Variants in ELMO1 observed in about 807,000 individuals in gnomAD.
ELMO1 encodes engulfment and cell motility 1, also known as engulfment and cell motility protein 1.
In ELMO1, 26 loss-of-function variants were observed where a neutral mutation model predicts 98.9. The observed-to-expected ratio is 0.26, with a 90% CI of 0.19 to 0.36. The LOEUF is 0.36. ELMO1 is among the 10% of genes least tolerant of loss of function. ELMO1 has a pLI of 1.00. For synonymous variants in ELMO1, 346 were observed against 346.0 expected, an observed-to-expected ratio of 1.00 and a Z score of 0.00; for missense variants, 627 against 935.2, an observed-to-expected ratio of 0.67 and a Z score of 4.30.
intron 14 of ELMO1, among the ~76,000 whole-genome samples, chr7:37,125,888 G>A (rs1356463350): frequency 6.6e-6 from 1 of 152,138 alleles, no homozygotes; most frequent in Non-Finnish European, 1.5e-5. Context: ...GAAAGACTTG[G>A]AACCAAGCCA....
rs1471196719 is a variant in ELMO1 at position 37,083,888 on chromosome 7, G to A, written c.1300+12731C>T. 2.6e-5 allele frequency among the ~76,000 whole-genome samples: 4 copies of A among 152,176 alleles called. No individual in the cohort carries two copies. The South Asian group carries it at 8.3e-4, about 31-fold the overall frequency. ...GAAAAGTGCTGTTTACTGGCCTCTC[G>A]GAGTCCTCACTGGAGTCCTGCCTAG... On this transcript the variant is annotated intron_variant, in intron 15 of 21. Coordinates refer to ENST00000310758, the MANE Select transcript of ELMO1 (RefSeq NM_014800.11).
intron 6 of ELMO1, among the ~76,000 whole-genome samples, chr7:37,258,395 T>C (rs1795803271): frequency 6.6e-6 from 1 of 151,966 alleles, no homozygotes; most frequent in South Asian, 2.1e-4. Context: ...GAACAGCGAT[T>C]GCACCACTGC....
chr7:37,086,762 AAAAG>A, intron 15 of ELMO1, among the ~76,000 whole-genome samples: 1 of 128,018 alleles, frequency 7.8e-6, no homozygotes, highest in Non-Finnish European at 1.7e-5. Context: ...AAAAAAAAAA[AAAAG>A]AAATCTTTGA....
intron 16 of ELMO1, among the ~76,000 whole-genome samples, chr7:36,977,766 G>A (rs1343755709): frequency 2.0e-5 from 3 of 152,188 alleles, no homozygotes; most frequent in African/African-American, 7.2e-5. Context: ...TGTTTTCACC[G>A]ATTACTTTCA....
At chr7:37,364,637 A>G (rs962003834) in intron 1 of ELMO1, among the ~76,000 whole-genome samples, 2 of 151,156 alleles carry the variant, frequency 1.3e-5, no homozygotes, top group African/African-American at 2.4e-5. Flanking sequence ...GGAAAATTCA[A>G]CTCAAAACCA....
At chr7:37,371,342 T>A (rs958078437) in intron 1 of ELMO1, among the ~76,000 whole-genome samples, 2 of 152,234 alleles carry the variant, frequency 1.3e-5, no homozygotes, top group Non-Finnish European at 2.9e-5. Context: ...TTAGGCTGCA[T>A]GATGGGTACA....
chr7:37,140,176 C>T (rs949799135), intron 13 of ELMO1, among the ~76,000 whole-genome samples: 2 of 150,844 alleles, frequency 1.3e-5, no homozygotes, highest in African/African-American at 4.9e-5. Context: ...GAGAGCGAGA[C>T]CATCCTGGCT....
At chr7:37,366,156 C>T (rs1362242038) in intron 1 of ELMO1, among the ~76,000 whole-genome samples, 1 of 152,000 alleles carries the variant, frequency 6.6e-6, no homozygotes, top group Non-Finnish European at 1.5e-5. Context: ...GATTTTTGCT[C>T]CTCGATTTCT....
At chr7:36,908,093 A>G in intron 16 of ELMO1, among the ~76,000 whole-genome samples, 1 of 152,332 alleles carries the variant, frequency 6.6e-6, no homozygotes, top group Middle Eastern at 3.4e-3. Flanking sequence ...CCAACAGCTA[A>G]ACAGAATTTC....
intron 15 of ELMO1, among the ~76,000 whole-genome samples, chr7:37,061,774 T>A (rs1362788905): frequency 6.6e-6 from 1 of 152,226 alleles, no homozygotes. Context: ...CCGAATGGCA[T>A]CAATACTCAT....
At chr7:36,883,393 T>C (rs374792464) in intron 18 of ELMO1, among the ~76,000 whole-genome samples, 24 of 152,190 alleles carry the variant, frequency 1.6e-4, no homozygotes, top group African/African-American at 3.4e-4. Flanking sequence ...ATGAAGCAAA[T>C]AGTGGCTGGT....
At chr7:37,240,034 T>C (rs1234034299) in intron 7 of ELMO1, among the ~76,000 whole-genome samples, 1 of 137,704 alleles carries the variant, frequency 7.3e-6, no homozygotes, top group Admixed American at 7.2e-5. Context: ...TTTTCTTTCT[T>C]TTTTTTTTTC....
intron 15 of ELMO1, among the ~76,000 whole-genome samples, chr7:37,086,673 G>A (rs1382138992): frequency 6.7e-6 from 1 of 148,386 alleles, no homozygotes; most frequent in Admixed American, 6.7e-5. Flanking sequence ...AACCCAGGAG[G>A]CGGAGGTTGC....
intron 16 of ELMO1, among the ~76,000 whole-genome samples, chr7:36,989,487 C>G (rs1791728783): frequency 6.6e-6 from 1 of 152,166 alleles, no homozygotes; most frequent in African/African-American, 2.4e-5. Flanking sequence ...AGTTTAGGAA[C>G]CACTGCTAAG....
At chr7:37,134,269 A>C (rs1432368414) in intron 13 of ELMO1, among the ~76,000 whole-genome samples, 1 of 152,204 alleles carries the variant, frequency 6.6e-6, no homozygotes, top group Non-Finnish European at 1.5e-5. Flanking sequence ...CTGGCTATCT[A>C]CACAAAGGAA....
In ELMO1 at chr7:36,857,168, T is replaced by C. The variant is rs376992963; in HGVS notation, c.1984-1417A>G. Among the ~76,000 whole-genome samples the C allele has an allele frequency of 4.6e-5, 7 of 152,324 alleles. No homozygotes were observed. The East Asian group carries it at 9.7e-4, about 21-fold the overall frequency. On this transcript the variant is annotated intron_variant, in intron 21 of 21. Transcript: ENST00000310758. ...GAGGGCTTTGGTTCTACCTTGGCTATGTGATCTCAGCCAAAGCATTTAACC... is the reference window on the plus strand; with the variant it reads ...GAGGGCTTTGGTTCTACCTTGGCTACGTGATCTCAGCCAAAGCATTTAACC...
intron 1 of ELMO1, among the ~76,000 whole-genome samples, chr7:37,394,849 T>G (rs1370143408): frequency 2.0e-5 from 3 of 152,136 alleles, no homozygotes; most frequent in African/African-American, 7.2e-5. Context: ...ACGAGAACAA[T>G]TTCCCAATAT....
intron 17 of ELMO1, among the ~76,000 whole-genome samples, chr7:36,889,381 G>A (rs1375981208): frequency 6.6e-6 from 1 of 152,126 alleles, no homozygotes; most frequent in East Asian, 1.9e-4. Flanking sequence ...TCAGTAAATT[G>A]CAGCTTTGAA....
chr7:37,378,249 G>A (rs1802438913), intron 1 of ELMO1, among the ~76,000 whole-genome samples: 1 of 152,190 alleles, frequency 6.6e-6, no homozygotes, highest in African/African-American at 2.4e-5. Flanking sequence ...CTGAAGAGCT[G>A]TAGCCTCAGA....
Sources: allele counts gnomAD v4.1 joint callset (sites outside exome capture counted in the v4.1 genomes callset), GRCh38; gene constraint gnomAD v4.1.1; transcripts MANE v1.5; gene names NCBI Gene and HGNC (gene_info 2026-07-23, HGNC 2026-07-21).